Variants in PRKG1 observed in about 807,000 individuals in gnomAD.
The protein encoded by PRKG1 is cGMP-dependent protein kinase 1.
A neutral mutation model predicts 88.1 loss-of-function variants in PRKG1; 35 were observed. That is an observed-to-expected ratio of 0.40 (90% CI 0.30 to 0.53). The LOEUF is 0.53. Ranked by LOEUF, PRKG1 falls within the 20% of genes least tolerant of loss-of-function variation. The pLI is 0.59. For missense variants in PRKG1, 540 were observed against 839.8 expected, an observed-to-expected ratio of 0.64 and a Z score of 4.41; for synonymous variants, 303 against 292.5, an observed-to-expected ratio of 1.04 and a Z score of -0.37.
chr10:51,585,185 C>G (rs545595422), intron 3 of PRKG1, among the ~76,000 whole-genome samples: 1 of 152,188 alleles, frequency 6.6e-6, no homozygotes, highest in Admixed American at 6.6e-5. Context: ...TCTTCTCTTT[C>G]TGTGACTACT....
intron 5 of PRKG1, among the ~76,000 whole-genome samples, chr10:51,954,109 A>G (rs1843248100): frequency 6.6e-6 from 1 of 152,194 alleles, no homozygotes; most frequent in African/African-American, 2.4e-5. Flanking sequence ...GCATAAATGT[A>G]GTTATATAAA....
intron 9 of PRKG1, among the ~76,000 whole-genome samples, chr10:52,164,162 C>A (rs1447010158): frequency 6.6e-6 from 1 of 151,918 alleles, no homozygotes; most frequent in African/African-American, 2.4e-5. Context: ...ACCAGCCTGG[C>A]CAACATGGTG....
chr10:51,398,310 A>G lies in PRKG1; in HGVS notation c.479-69413A>G, dbSNP rs145188903. The stretch of plus-strand genomic sequence containing the variant: ...TGCAGCCTAGATCCCTCACATGCAT[A>G]GTTGACAGTAGAGTTCGTGTTCCTG... On this transcript the variant is annotated intron_variant, in intron 2 of 17. Coordinates refer to ENST00000373980, the MANE Select transcript of PRKG1 (RefSeq NM_006258.4). Among the ~76,000 whole-genome samples the G allele has an allele frequency of 1.2e-3, 190 of 152,266 alleles. 1 individual carries two copies. Among genetic ancestry groups the G allele is most frequent in the African/African-American group, 4.4e-3 (182 of 41,564 alleles).
intron 3 of PRKG1, among the ~76,000 whole-genome samples, chr10:51,618,853 C>T (rs1296811719): frequency 3.3e-5 from 5 of 151,908 alleles, no homozygotes; most frequent in Non-Finnish European, 5.9e-5. Flanking sequence ...ACTGCAACTT[C>T]CGCCTCCTGG....
rs574030474 is a variant in PRKG1, at chr10:51,760,960, C to G, written c.593-43625C>G. 4.6e-5 allele frequency among the ~76,000 whole-genome samples: 7 copies of G among 152,068 alleles called. No homozygotes were observed. The South Asian group carries it at 1.5e-3, about 32-fold the overall frequency. Reference sequence around the variant, plus strand: ...TGAAATGCTGTCTCTACTAAAAATACAAAAATTAGCCCAGTCTGGTGTGCA... The same window carrying G: ...TGAAATGCTGTCTCTACTAAAAATAGAAAAATTAGCCCAGTCTGGTGTGCA... On this transcript the variant is annotated intron_variant, in intron 3 of 17. Coordinates refer to ENST00000373980, the MANE Select transcript of PRKG1 (RefSeq NM_006258.4).
intron 7 of PRKG1, 25 bp downstream of exon 7, chr10:52,062,656 G>T: frequency 6.5e-7 from 1 of 1,537,378 alleles, no homozygotes; most frequent in Non-Finnish European, 8.9e-7. Context: ...TGTTATACAG[G>T]TTTTTGTTTG....
At chr10:51,952,603 TAA>T (rs1376514744) in intron 5 of PRKG1, among the ~76,000 whole-genome samples, 4 of 152,196 alleles carry the variant, frequency 2.6e-5, no homozygotes, top group Non-Finnish European at 4.4e-5. Flanking sequence ...TAATAAATAT[TAA>T]GTGTCATTGT....
intron 2 of PRKG1, among the ~76,000 whole-genome samples, chr10:51,184,928 A>G (rs1837446899): frequency 6.6e-6 from 1 of 152,154 alleles, no homozygotes; most frequent in African/African-American, 2.4e-5. Context: ...GACAGCAGGT[A>G]TACGAGAGGC....
chr10:51,924,537 T>C (rs1564710785), intron 5 of PRKG1, among the ~76,000 whole-genome samples: 1 of 152,162 alleles, frequency 6.6e-6, no homozygotes, highest in South Asian at 2.1e-4. Context: ...GTTTATTCTG[T>C]TTGATATTCT....
At chr10:51,349,963 G>A (rs7099142) in intron 2 of PRKG1, among the ~76,000 whole-genome samples, 24,082 of 152,120 alleles carry the variant, frequency 0.16, 1,998 homozygotes, top group Non-Finnish European at 0.18. Flanking sequence ...AGGGCAAGAT[G>A]CACTCAGACA....
In PRKG1 at chr10:51,676,643, A is replaced by G. The variant is rs563617538; in HGVS notation, c.593-127942A>G. ...TGTATAACAAGTTATCTGTGAAAAT[A>G]AAAGTCTGCTAAATTTTGAAATACT... is the stretch of plus-strand genomic sequence containing the variant. On this transcript the variant is annotated intron_variant, in intron 3 of 17. Transcript: ENST00000373980. Among the ~76,000 whole-genome samples the G allele has an allele frequency of 2.6e-5, 4 of 152,292 alleles. No individual in the cohort carries two copies. In the East Asian group the frequency reaches 5.8e-4, roughly 22 times the overall value.
chr10:51,557,587 A>T (rs1478701218), intron 3 of PRKG1, among the ~76,000 whole-genome samples: 1 of 152,054 alleles, frequency 6.6e-6, no homozygotes, highest in Non-Finnish European at 1.5e-5. Flanking sequence ...ATTCTTTGAC[A>T]CTTAGAAACC....
chr10:51,928,012 A>G (rs1842615081), intron 5 of PRKG1, among the ~76,000 whole-genome samples: 1 of 152,158 alleles, frequency 6.6e-6, no homozygotes, highest in South Asian at 2.1e-4. Flanking sequence ...GTTTGTGACA[A>G]CTTTCAGGAA....
chr10:51,318,159 C>T (rs1841369338), intron 2 of PRKG1, among the ~76,000 whole-genome samples: 2 of 152,142 alleles, frequency 1.3e-5, no homozygotes, highest in Non-Finnish European at 2.9e-5. Flanking sequence ...GCCTTTTGTT[C>T]AGAGACTGTG....
chr10:52,111,185 T>C (rs1332895717), intron 7 of PRKG1, among the ~76,000 whole-genome samples: 2 of 152,162 alleles, frequency 1.3e-5, no homozygotes, highest in East Asian at 1.9e-4. Context: ...TCACACAAGA[T>C]AGAAAGTTGC....
At position 51,488,797 on chromosome 10, in the gene PRKG1, C is replaced by T. The variant is rs186945711; in HGVS notation, c.592+20961C>T. On this transcript the variant is annotated intron_variant, in intron 3 of 17. Transcript: ENST00000373980. ...AGCTTAGATCTAGACTGGCTCTCTG[C>T]GTCCACCTCTTCTCTTGTTATCCCA... is the stretch of plus-strand genomic sequence containing the variant. Among the ~76,000 whole-genome samples, 14 of 152,228 alleles carry T rather than the reference C, an allele frequency of 9.2e-5. No homozygotes were observed. The East Asian group carries it at 2.3e-3, about 25-fold the overall frequency.
intron 1 of PRKG1, among the ~76,000 whole-genome samples, chr10:51,019,347 T>C (rs1181639373): frequency 6.6e-6 from 1 of 152,154 alleles, no homozygotes; most frequent in Non-Finnish European, 1.5e-5. Context: ...AAATAAGATG[T>C]ATGATCAGTT....
intron 3 of PRKG1, among the ~76,000 whole-genome samples, chr10:51,507,153 G>T: frequency 7.1e-6 from 1 of 141,312 alleles, no homozygotes; most frequent in East Asian, 2.3e-4. Context: ...GCCTGTTGTG[G>T]AGTAGGGGGA....
At chr10:51,085,461 G>T (rs914548586) in intron 1 of PRKG1, among the ~76,000 whole-genome samples, 3 of 152,090 alleles carry the variant, frequency 2.0e-5, no homozygotes, top group Non-Finnish European at 4.4e-5. Context: ...ACCCTAGAGT[G>T]TACACTGCAT....
Sources: allele counts gnomAD v4.1 joint callset (sites outside exome capture counted in the v4.1 genomes callset), GRCh38; gene constraint gnomAD v4.1.1; transcripts MANE v1.5; gene names NCBI Gene and HGNC (gene_info 2026-07-23, HGNC 2026-07-21).